MIDEAS: variants seen among roughly 807,000 people sequenced by gnomAD.
MIDEAS encodes the protein mitotic deacetylase associated SANT domain protein.
In MIDEAS, 26 loss-of-function variants were observed where a neutral mutation model predicts 102.7. That is an observed-to-expected ratio of 0.25 (90% CI 0.19 to 0.35). The LOEUF (loss-of-function observed/expected upper bound fraction) is 0.35, where lower values mean the gene tolerates loss of function less well. Ranked by LOEUF, MIDEAS falls within the 10% of genes least tolerant of loss-of-function variation. MIDEAS has a pLI of 1.00. For missense variants in MIDEAS, 1,231 were observed against 1,435.6 expected (o/e 0.86, Z 2.30); for synonymous variants, 585 against 591.0 (o/e 0.99, Z 0.15).
At chr14:73,727,111 G>C (rs2053072650) in intron 5 of MIDEAS, 139 bp from the exon 6 acceptor site, 1 of 1,096,136 alleles carries the variant, frequency 9.1e-7, no homozygotes, top group Non-Finnish European at 1.3e-6. Context: ...TGGCTTCTAG[G>C]GGCTTGGGAG....
chr14:73,715,509 G>A lies in MIDEAS; in HGVS notation c.*3334C>T, dbSNP rs2052872267. 1 of 152,434 alleles carries A rather than the reference G, an allele frequency of 6.6e-6. No homozygotes were observed. The highest frequency in any genetic ancestry group is 2.4e-5 in the African/African-American group (1 of 41,432). 9.4% of individuals were successfully genotyped at this position (152,434 alleles called of 1,614,324 possible). ...CCTGTGCTCTGTCCCCTCCAACAAA[G>A]CCTTCAACTTAGAGACAAATGAGGA... On this transcript the variant is annotated 3_prime_UTR_variant, in exon 13 of 13. Coordinates refer to ENST00000423556, the MANE Select transcript of MIDEAS (RefSeq NM_001367710.1).
At chr14:73,722,901 G>C in intron 9 of MIDEAS, 54 bp from the exon 10 acceptor site, 1 of 1,590,090 alleles carries the variant, frequency 6.3e-7, no homozygotes, top group Non-Finnish European at 8.6e-7. Flanking sequence ...TCATCTGCCT[G>C]TGGAGAATCC....
chr14:73,738,487 C>G, intron 2 of MIDEAS, 73 bp downstream of exon 2: 1 of 1,422,644 alleles, frequency 7.0e-7, no homozygotes, highest in East Asian at 2.6e-5. Flanking sequence ...AGGCAAGAAG[C>G]AAATCCTGCA....
chr14:73,768,466 T>C (rs2053610430), intron 1 of MIDEAS, among the ~76,000 whole-genome samples: 1 of 152,054 alleles, frequency 6.6e-6, no homozygotes, highest in Non-Finnish European at 1.5e-5. Flanking sequence ...ATGTGTTTTA[T>C]TTGACTCACA....
At chr14:73,745,139 C>G (rs1030199969) in intron 1 of MIDEAS, among the ~76,000 whole-genome samples, 1 of 152,208 alleles carries the variant, frequency 6.6e-6, no homozygotes, top group African/African-American at 2.4e-5. Flanking sequence ...CTTCTGGGCT[C>G]TCTGGTGCAC....
At chr14:73,788,940 T>A (rs1006088343), upstream of MIDEAS, 1 of 152,206 alleles carries the variant, frequency 6.6e-6, no homozygotes, top group Admixed American at 6.5e-5. Context: ...TATTCAGTAT[T>A]TCTGCATGCC....
At chr14:73,779,270 C>T (rs1301417220) in intron 1 of MIDEAS, among the ~76,000 whole-genome samples, 4 of 151,016 alleles carry the variant, frequency 2.6e-5, no homozygotes, top group African/African-American at 9.7e-5. Flanking sequence ...TGGCGGGTGC[C>T]TGTAGTCCCA....
At chr14:73,719,065 G>C in intron 12 of MIDEAS, 57 bp from the exon 13 acceptor site, 1 of 1,447,706 alleles carries the variant, frequency 6.9e-7, no homozygotes, top group Non-Finnish European at 9.0e-7. Flanking sequence ...GGCCCCCAGC[G>C]CGGGTGCGCG....
At position 73,726,156 on chromosome 14, in the gene MIDEAS, T is replaced by C. The variant is rs915694169; in HGVS notation, c.2410-48A>G. The C allele has an allele frequency of 3.2e-5, 46 of 1,458,042 alleles. No individual in the cohort carries two copies. The Admixed American group carries it at 6.2e-4, about 20-fold the overall frequency. 90.3% of individuals were successfully genotyped at this position (1,458,042 alleles called of 1,614,324 possible). ...GTCAGGGCACTGACAGGGGTGTCGG[T>C]GGTGGACGGAGCATTCTAGGCCCTG... On this transcript the variant is annotated intron_variant, in intron 7 of 12. Coordinates refer to ENST00000423556, the MANE Select transcript of MIDEAS (RefSeq NM_001367710.1).
rs1227991489 is a variant in MIDEAS, at chr14:73,715,425, ATACT to A, written c.*3414_*3417del. On this transcript the variant is annotated 3_prime_UTR_variant, in exon 13 of 13. Transcript: ENST00000423556. ...ATTTTTGTTTCAAAATAAAAGGAAT[ATACT>A]TATTTATATGCTATTAAAATATCTG... is the stretch of plus-strand genomic sequence containing the variant. The A allele has an allele frequency of 6.6e-6, 1 of 152,644 alleles. No individual in the cohort carries two copies. The highest frequency in any genetic ancestry group is 2.4e-5 in the African/African-American group (1 of 41,450). 9.5% of individuals were successfully genotyped at this position (152,644 alleles called of 1,614,324 possible). A position where few individuals can be genotyped will look rare whatever the true frequency, so the allele number is the denominator to read the frequency against.
intron 11 of MIDEAS, among the ~76,000 whole-genome samples, chr14:73,720,528 T>C (rs574236652): frequency 2.0e-5 from 3 of 152,104 alleles, no homozygotes; most frequent in Admixed American, 6.6e-5. Flanking sequence ...ATTACAGGTG[T>C]GAGCCACTGC....
chr14:73,718,491 G>T lies in MIDEAS; in HGVS notation c.*352C>A. ...GGCTTCCTGGAGGCCGAGGGGAGGA[G>T]GGGGAAGCAAATAAAGGGAAAAGAC... On this transcript the variant is annotated 3_prime_UTR_variant, in exon 13 of 13. Coordinates refer to ENST00000423556, the MANE Select transcript of MIDEAS (RefSeq NM_001367710.1). The T allele has an allele frequency of 5.4e-6, 1 of 185,370 alleles. No homozygotes were observed. Among genetic ancestry groups the T allele is most frequent in the East Asian group, 1.3e-4 (1 of 7,458 alleles). The allele number at this position is 185,370 out of a possible 1,614,324, so 11.5% of individuals were successfully genotyped here.
At chr14:73,764,406 A>G (rs1270554938), upstream of MIDEAS, among the ~76,000 whole-genome samples, 1 of 151,904 alleles carries the variant, frequency 6.6e-6, no homozygotes, top group Non-Finnish European at 1.5e-5. Context: ...TTTCCCTGAA[A>G]AGACCCCATG....
chr14:73,781,927 G>C (rs1156482554), intron 1 of MIDEAS, among the ~76,000 whole-genome samples: 1 of 151,808 alleles, frequency 6.6e-6, no homozygotes, highest in Non-Finnish European at 1.5e-5. Flanking sequence ...CGTGGTGGCA[G>C]ACATCCATAA....
At chr14:73,756,653 G>A (rs1351845056) in intron 1 of MIDEAS, among the ~76,000 whole-genome samples, 2 of 152,196 alleles carry the variant, frequency 1.3e-5, no homozygotes, top group African/African-American at 4.8e-5. Context: ...ATGCATGCAC[G>A]CCTGCACACA....
At chr14:73,726,475 C>T in intron 7 of MIDEAS, 129 bp downstream of exon 7, 1 of 886,714 alleles carries the variant, frequency 1.1e-6, no homozygotes, top group East Asian at 2.6e-5. Context: ...CCCTACAGCC[C>T]CTTCCTTAGT....
intron 1 of MIDEAS, among the ~76,000 whole-genome samples, chr14:73,750,367 C>T (rs1194210187): frequency 2.6e-5 from 4 of 152,228 alleles, no homozygotes; most frequent in Non-Finnish European, 5.9e-5. Context: ...AAGCCAGCTC[C>T]GGAGCTGCTG....
chr14:73,757,726 A>C (rs1007852292), intron 1 of MIDEAS, among the ~76,000 whole-genome samples: 1 of 151,972 alleles, frequency 6.6e-6, no homozygotes, highest in African/African-American at 2.4e-5. Flanking sequence ...AGGTCTTGGC[A>C]CCCCTGGGCA....
At chr14:73,752,528 G>A (rs1340570558) in intron 1 of MIDEAS, among the ~76,000 whole-genome samples, 3 of 152,086 alleles carry the variant, frequency 2.0e-5, no homozygotes, top group East Asian at 1.9e-4. Context: ...AGTAAAGAAC[G>A]GGGGCAATAT....
Sources: allele counts gnomAD v4.1 joint callset (sites outside exome capture counted in the v4.1 genomes callset), GRCh38; gene constraint gnomAD v4.1.1; transcripts MANE v1.5; gene names NCBI Gene and HGNC (gene_info 2026-07-23, HGNC 2026-07-21).